Variants in DPH6 observed in about 807,000 individuals in gnomAD.
DPH6 encodes the protein diphthine--ammonia ligase.
A neutral mutation model predicts 38.2 loss-of-function variants in DPH6; 33 were observed. The observed-to-expected ratio is 0.86, with a 90% CI of 0.65 to 1.15. The LOEUF is 1.15. Ranked by LOEUF, DPH6 falls within the 50% of genes most tolerant of loss-of-function variation. The pLI is 0.00. For missense variants in DPH6, 325 were observed against 320.0 expected (o/e 1.02, Z -0.12); for synonymous variants, 108 against 103.0 (o/e 1.05, Z -0.30).
chr15:35,478,360 CACACAT>C (rs1185522734), intron 3 of DPH6, among the ~76,000 whole-genome samples: 9 of 83,588 alleles, frequency 1.1e-4, no homozygotes, highest in Non-Finnish European at 5.4e-5. Context: ...CACACATACC[CACACAT>C]ACACACACAC....
chr15:35,302,633 A>G (rs1403965696), intron 3 of DPH6, among the ~76,000 whole-genome samples: 1 of 152,160 alleles, frequency 6.6e-6, no homozygotes, highest in African/African-American at 2.4e-5. Context: ...CGAGATCACT[A>G]ATTTTTATGG....
At chr15:35,408,601 G>A (rs1405935353) in intron 6 of DPH6, among the ~76,000 whole-genome samples, 1 of 151,968 alleles carries the variant, frequency 6.6e-6, no homozygotes, top group Non-Finnish European at 1.5e-5. Flanking sequence ...ACGGAAAATG[G>A]AGCCTAAACT....
the DPH6 span, among the ~76,000 whole-genome samples, chr15:35,153,043 A>G: frequency 3.3e-4 from 50 of 152,340 alleles, no homozygotes; most frequent in Middle Eastern, 0.014. Context: ...AAAGGCTTTT[A>G]TATTTTTTAA....
chr15:35,162,515 G>A, the DPH6 span, among the ~76,000 whole-genome samples: 26,282 of 151,834 alleles, frequency 0.17, 2,756 homozygotes, highest in East Asian at 0.39. Flanking sequence ...CTCTCAGAGC[G>A]TGGCAGGACT....
chr15:35,352,545 C>T (rs1297336972), intron 3 of DPH6, among the ~76,000 whole-genome samples: 3 of 152,088 alleles, frequency 2.0e-5, no homozygotes, highest in Non-Finnish European at 4.4e-5. Flanking sequence ...GTTTTTTGTC[C>T]TTGCGATAGT....
rs186739834 is a variant in DPH6 at position 35,536,563 on chromosome 15, C to T, written c.312+1711G>A. 6.1e-3 allele frequency among the ~76,000 whole-genome samples: 920 copies of T among 151,938 alleles called. 14 individuals carry two copies. The highest frequency in any genetic ancestry group is 0.021 in the African/African-American group (875 of 41,492). ...TTTCTTCTTAATTATTGCTAATCTG[C>T]CCATTTTTAATTAAATTTATTATTA... On this transcript the variant is annotated intron_variant, in intron 3 of 8. Coordinates refer to ENST00000256538, the MANE Select transcript of DPH6 (RefSeq NM_080650.4).
intron 3 of DPH6, among the ~76,000 whole-genome samples, chr15:35,262,600 A>G (rs928539080): frequency 1.3e-4 from 20 of 148,258 alleles, no homozygotes; most frequent in Middle Eastern, 3.6e-3. Flanking sequence ...CAGCTACTGG[A>G]GAGGCTGAGG....
downstream of DPH6, among the ~76,000 whole-genome samples, chr15:35,328,592 G>T (rs1327029131): frequency 6.6e-6 from 1 of 151,890 alleles, no homozygotes; most frequent in Non-Finnish European, 1.5e-5. Context: ...GGTACTACGA[G>T]GAAATAAAGA....
the DPH6 span, among the ~76,000 whole-genome samples, chr15:35,154,153 C>A: frequency 6.6e-6 from 1 of 152,018 alleles, no homozygotes; most frequent in African/African-American, 2.4e-5. Context: ...AGGTATATTA[C>A]AAAACAGCTG....
intron 3 of DPH6, among the ~76,000 whole-genome samples, chr15:35,339,801 C>G (rs1017968634): frequency 5.3e-5 from 8 of 152,000 alleles, no homozygotes; most frequent in Non-Finnish European, 8.8e-5. Context: ...GTTTTACTTC[C>G]GATTATGTGA....
chr15:35,324,706 A>C (rs191722838), intron 3 of DPH6, among the ~76,000 whole-genome samples: 1 of 152,288 alleles, frequency 6.6e-6, no homozygotes, highest in East Asian at 1.9e-4. Context: ...AATTACCAAA[A>C]TTGAAGGAAA....
intron 3 of DPH6, among the ~76,000 whole-genome samples, chr15:35,347,751 A>C (rs902566661): frequency 4.6e-5 from 7 of 151,680 alleles, no homozygotes; most frequent in African/African-American, 1.7e-4. Context: ...TGTAAAATAC[A>C]TTTTACATTC....
In DPH6 at chr15:35,532,319, T is replaced by A. The variant is rs2055100245; in HGVS notation, c.312+5955A>T. Among the ~76,000 whole-genome samples the A allele has an allele frequency of 2.6e-5, 4 of 152,024 alleles. No homozygotes were observed. The South Asian group carries it at 8.3e-4, about 32-fold the overall frequency. ...GCTGCCAACAACTTGGTAGACGAGGTGGATGGAGCATAGGGCAATACTGAA... is the reference window on the plus strand; with the variant it reads ...GCTGCCAACAACTTGGTAGACGAGGAGGATGGAGCATAGGGCAATACTGAA... On this transcript the variant is annotated intron_variant, in intron 3 of 8. Transcript: ENST00000256538.
chr15:35,279,152 CT>C lies in DPH6; in HGVS notation n.201-58571del, dbSNP rs1451262092. ...CAGACTTGTGTGGGGCCTATTGCCC[CT>C]TTTTTTGGGGTGATTTCTCCATTTT... On this transcript the variant is annotated intron_variant and non_coding_transcript_variant, in intron 3 of 3. Transcript: ENST00000560386. Among the ~76,000 whole-genome samples, 3 of 150,912 alleles carry C rather than the reference CT, an allele frequency of 2.0e-5. No individual in the cohort carries two copies. In the East Asian group the frequency reaches 5.8e-4, roughly 29 times the overall value.
chr15:35,397,875 A>ACG (rs59385983), intron 6 of DPH6, among the ~76,000 whole-genome samples: 1,745 of 149,206 alleles, frequency 0.012, 30 homozygotes, highest in Middle Eastern at 0.017. Flanking sequence ...ATATACACAC[A>ACG]CACACACACA....
chr15:35,489,727 T>C, intron 3 of DPH6: 4 of 979,984 alleles, frequency 4.1e-6, no homozygotes, highest in Non-Finnish European at 4.8e-6. Context: ...TAAACCATTT[T>C]TTCTGGAACA....
intron 5 of DPH6, among the ~76,000 whole-genome samples, chr15:35,444,865 A>G: frequency 7.1e-6 from 1 of 140,968 alleles, no homozygotes; most frequent in Non-Finnish European, 1.6e-5. Flanking sequence ...TTGGTATGAT[A>G]TTAGTAATGG....
At chr15:35,511,155 GT>G (rs2054764560) in intron 3 of DPH6, among the ~76,000 whole-genome samples, 1 of 152,116 alleles carries the variant, frequency 6.6e-6, no homozygotes, top group South Asian at 2.1e-4. Flanking sequence ...CAAATGATCT[GT>G]TTGCATATTC....
intron 3 of DPH6, chr15:35,298,143 C>A (rs1160304040): frequency 4.5e-5 from 17 of 377,032 alleles, no homozygotes; most frequent in Non-Finnish European, 1.0e-5. Flanking sequence ...CTCCAAGAGT[C>A]TCAGTATGCA....
Sources: allele counts gnomAD v4.1 joint callset (sites outside exome capture counted in the v4.1 genomes callset), GRCh38; gene constraint gnomAD v4.1.1; transcripts MANE v1.5; gene names NCBI Gene and HGNC (gene_info 2026-07-23, HGNC 2026-07-21).